Variants in EGFR observed in about 807,000 individuals in gnomAD.
The protein encoded by EGFR is epidermal growth factor receptor, also known as avian erythroblastic leukemia viral (v-erb-b) oncogene homolog.
A neutral mutation model predicts 143.0 loss-of-function variants in EGFR; 58 were observed. The observed-to-expected ratio is 0.41, with a 90% confidence interval of 0.33 to 0.50. The LOEUF (loss-of-function observed/expected upper bound fraction) is 0.50. EGFR is among the 20% of genes least tolerant of loss of function. The pLI, the probability that EGFR is intolerant of heterozygous loss-of-function variation, is 0.39. For missense variants in EGFR, 1,307 were observed against 1,579.0 expected (o/e 0.83, Z 2.92); for synonymous variants, 613 against 594.4 (o/e 1.03, Z -0.45).
At chr7:55,125,651 C>T (rs1480500724) in intron 1 of EGFR, among the ~76,000 whole-genome samples, 2 of 152,222 alleles carry the variant, frequency 1.3e-5, no homozygotes, top group East Asian at 1.9e-4. Context: ...AGAAATGATG[C>T]GGATAAATCC....
chr7:55,174,846 G>A (rs2128954954), intron 19 of EGFR, 26 bp downstream of exon 19: 1 of 1,593,990 alleles, frequency 6.3e-7, no homozygotes, highest in Non-Finnish European at 8.6e-7. Context: ...GCTGTGTGGG[G>A]GTCCATGGCT....
At chr7:55,157,415 A>G (rs1417523768) in intron 10 of EGFR, among the ~76,000 whole-genome samples, 3 of 151,868 alleles carry the variant, frequency 2.0e-5, no homozygotes, top group Non-Finnish European at 4.4e-5. Context: ...TCAGGGCCAC[A>G]GCCAGGGGGG....
intron 15 of EGFR, chr7:55,170,166 G>A (rs894309627): frequency 1.4e-5 from 20 of 1,468,330 alleles, no homozygotes; most frequent in Non-Finnish European, 1.8e-5. Flanking sequence ...GGAGCACCCA[G>A]ACCCCCAAAT....
chr7:55,161,148 A>C (rs1009631391), intron 12 of EGFR, among the ~76,000 whole-genome samples: 12 of 152,220 alleles, frequency 7.9e-5, no homozygotes, highest in African/African-American at 2.7e-4. Flanking sequence ...CCGTGGGAGC[A>C]CAGAAAACAT....
chr7:55,202,996 T>G (rs1787920997), intron 27 of EGFR: 1 of 513,892 alleles, frequency 1.9e-6, no homozygotes, highest in South Asian at 3.2e-5. Context: ...TTCTCTCTGC[T>G]GGCTCTATCT....
At chr7:55,104,831 G>A (rs1264706764) in intron 1 of EGFR, among the ~76,000 whole-genome samples, 1 of 152,232 alleles carries the variant, frequency 6.6e-6, no homozygotes, top group Non-Finnish European at 1.5e-5. Context: ...GCAGTAGGAA[G>A]TGGGCAGACT....
intron 1 of EGFR, among the ~76,000 whole-genome samples, chr7:55,052,877 T>C (rs780582692): frequency 6.6e-6 from 1 of 152,136 alleles, no homozygotes; most frequent in African/African-American, 2.4e-5. Context: ...CTCGCACAGC[T>C]CTTGACTCAT....
rs1420639281 is a variant in EGFR, at chr7:55,019,102, C to T, written c.-176C>T. 1.4e-4 allele frequency: 46 copies of T among 340,044 alleles called. No homozygotes were observed. The highest frequency in any genetic ancestry group is 2.2e-4 in the Non-Finnish European group (43 of 196,530). The allele number at this position is 340,044 out of a possible 1,614,324, so 21.1% of individuals were successfully genotyped here. ...TGAGCGCCCGACGCGGCCGAGGCGGCCGGAGTCCCGAGCTAGCCCCGGCGG... is the reference window on the plus strand; with the variant it reads ...TGAGCGCCCGACGCGGCCGAGGCGGTCGGAGTCCCGAGCTAGCCCCGGCGG... On this transcript the variant is annotated 5_prime_UTR_variant, in exon 1 of 28. Coordinates refer to ENST00000275493, the MANE Select transcript of EGFR (RefSeq NM_005228.5).
chr7:55,068,957 G>A (rs1297468283), intron 1 of EGFR, among the ~76,000 whole-genome samples: 1 of 152,158 alleles, frequency 6.6e-6, no homozygotes, highest in Non-Finnish European at 1.5e-5. Context: ...GGAGTAGGAG[G>A]TCTTGCTTTA....
chr7:55,148,204 T>C (rs1439769730), intron 4 of EGFR, among the ~76,000 whole-genome samples: 1 of 152,214 alleles, frequency 6.6e-6, no homozygotes. Context: ...AAATTTCATA[T>C]TATGAGATCA....
chr7:55,146,396 C>G (rs1157324627), intron 3 of EGFR, among the ~76,000 whole-genome samples: 1 of 152,136 alleles, frequency 6.6e-6, no homozygotes, highest in Non-Finnish European at 1.5e-5. Context: ...GCTCAAAGCC[C>G]AATTCAGAGA....
intron 1 of EGFR, among the ~76,000 whole-genome samples, chr7:55,076,768 G>A (rs934912814): frequency 2.6e-5 from 4 of 152,066 alleles, no homozygotes; most frequent in African/African-American, 7.2e-5. Context: ...AGAGTTCTTC[G>A]TATGTCAGAA....
chr7:55,065,854 G>A (rs1028286543), intron 1 of EGFR, among the ~76,000 whole-genome samples: 4 of 120,544 alleles, frequency 3.3e-5, no homozygotes, highest in Non-Finnish European at 6.6e-5. Context: ...TTTTTGCCAA[G>A]TGAAGCTGAG....
chr7:55,074,157 A>C (rs1307754368), intron 1 of EGFR, among the ~76,000 whole-genome samples: 1 of 152,180 alleles, frequency 6.6e-6, no homozygotes, highest in Non-Finnish European at 1.5e-5. Context: ...GGTACACGCT[A>C]TTAACCTTGT....
intron 6 of EGFR, among the ~76,000 whole-genome samples, chr7:55,153,112 G>T (rs1367654233): frequency 6.6e-6 from 1 of 152,242 alleles, no homozygotes; most frequent in Non-Finnish European, 1.5e-5. Context: ...CCCATGGAGA[G>T]CCACACAGGT....
intron 1 of EGFR, among the ~76,000 whole-genome samples, chr7:55,036,197 T>C (rs1479158753): frequency 6.8e-6 from 1 of 148,060 alleles, no homozygotes; most frequent in Non-Finnish European, 1.5e-5. Flanking sequence ...TACTTCCTTA[T>C]AGTTTTTGGA....
At chr7:55,100,121 C>A (rs866366900) in intron 1 of EGFR, among the ~76,000 whole-genome samples, 1 of 152,208 alleles carries the variant, frequency 6.6e-6, no homozygotes, top group Non-Finnish European at 1.5e-5. Context: ...TGCTCCTCAG[C>A]GGAGACTGTG....
At chr7:55,186,749 G>C (rs893813216) in intron 20 of EGFR, among the ~76,000 whole-genome samples, 1 of 152,176 alleles carries the variant, frequency 6.6e-6, no homozygotes, top group African/African-American at 2.4e-5. Flanking sequence ...AATACATATA[G>C]AAGTAAGACA....
At chr7:55,092,222 G>A (rs546953020) in intron 1 of EGFR, among the ~76,000 whole-genome samples, 25 of 152,224 alleles carry the variant, frequency 1.6e-4, no homozygotes, top group African/African-American at 6.0e-4. Context: ...TTTGTAAACC[G>A]GCCCTCCCTT....
Sources: allele counts gnomAD v4.1 joint callset (sites outside exome capture counted in the v4.1 genomes callset), GRCh38; gene constraint gnomAD v4.1.1; transcripts MANE v1.5; gene names NCBI Gene and HGNC (gene_info 2026-07-23, HGNC 2026-07-21).